The following TACC1 variants were observed in gnomAD, a reference collection of about 807,000 sequenced individuals.
The protein encoded by TACC1 is transforming acidic coiled-coil containing protein 1, also known as transforming acidic coiled-coil-containing protein 1.
A neutral mutation model predicts 84.4 loss-of-function variants in TACC1; 48 were observed. The ratio of observed to expected loss-of-function variants is 0.57; its 90% CI spans 0.45 to 0.72. The LOEUF is 0.72. TACC1 is among the 30% of genes least tolerant of loss of function. The pLI is 0.00. For missense variants in TACC1, 920 were observed against 973.0 expected (o/e 0.95, Z 0.72); for synonymous variants, 372 against 376.3 (o/e 0.99, Z 0.13).
intron 3 of TACC1, among the ~76,000 whole-genome samples, chr8:38,749,007 A>G (rs1337883017): frequency 3.9e-5 from 6 of 152,160 alleles, no homozygotes; most frequent in African/African-American, 1.2e-4. Flanking sequence ...AGCAAAAAGC[A>G]GTCCTTTGAA....
intron 2 of TACC1, among the ~76,000 whole-genome samples, chr8:38,742,739 G>A (rs762314527): frequency 3.9e-5 from 6 of 152,146 alleles, no homozygotes; most frequent in Admixed American, 6.6e-5. Flanking sequence ...TTTCGAGACA[G>A]AGTTTCACTC....
intron 3 of TACC1, among the ~76,000 whole-genome samples, chr8:38,754,081 G>A (rs1809562974): frequency 6.6e-6 from 1 of 151,558 alleles, no homozygotes; most frequent in African/African-American, 2.4e-5. Context: ...AGCTTCCCAA[G>A]TAGCTGGAAT....
At chr8:38,793,963 A>G (rs1367386618) in intron 2 of TACC1, among the ~76,000 whole-genome samples, 2 of 152,230 alleles carry the variant, frequency 1.3e-5, no homozygotes, top group Non-Finnish European at 2.9e-5. Context: ...GTAATTTGGG[A>G]AAATGGCTTT....
chr8:38,820,163 G>A lies in TACC1; in HGVS notation c.919G>A (p.Val307Ile), dbSNP rs1364414075. The change falls in exon 3 of 13, where the codon GTT becomes ATT. Residue 307 changes from valine (V) to isoleucine (I), a missense_variant. Val to Ile is a conservative substitution (Grantham distance 29, BLOSUM62 3). Coordinates refer to ENST00000317827, the MANE Select transcript of TACC1 (RefSeq NM_006283.3). ...TLSSDTNDSG[V>I]ELGEESRSSP... The stretch of plus-strand genomic sequence containing the variant: ...CAGTAGTGACACCAACGACTCAGGG[G>A]TTGAGCTGGGGGAGGAGTCGAGGAG... 1 of 1,614,190 alleles carries A rather than the reference G, an allele frequency of 6.2e-7. No individual in the cohort carries two copies. Among genetic ancestry groups the A allele is most frequent in the Non-Finnish European group, 8.5e-7 (1 of 1,180,036 alleles).
At chr8:38,735,500 G>A (rs1394544745) in intron 1 of TACC1, among the ~76,000 whole-genome samples, 1 of 152,182 alleles carries the variant, frequency 6.6e-6, no homozygotes, top group African/African-American at 2.4e-5. Flanking sequence ...TTTAGAGGGA[G>A]GGGAGTGTGT....
At chr8:38,753,911 T>TTCTC (rs1809499476) in intron 3 of TACC1, among the ~76,000 whole-genome samples, 1 of 139,400 alleles carries the variant, frequency 7.2e-6, no homozygotes, top group East Asian at 2.0e-4. Flanking sequence ...TTCTTTTTCT[T>TTCTC]TCTTTCTTTC....
intron 2 of TACC1, among the ~76,000 whole-genome samples, chr8:38,806,925 G>A: frequency 6.6e-6 from 1 of 152,328 alleles, no homozygotes; most frequent in Non-Finnish European, 1.5e-5. Context: ...ATCTGCACTT[G>A]TGTCTGACTT....
In TACC1 at chr8:38,820,360, A is replaced by G. The variant is rs143655569; in HGVS notation, c.1116A>G (p.Ala372=). Residue 372 remains alanine (A), a synonymous_variant, in exon 3 of 13, where the codon GCA becomes GCG. Transcript: ENST00000317827. Reference sequence around the variant, plus strand: ...TAGAACAGCCTACAGACCCAGTGGCACGAGACGGGCCTCTCTCCCAAACAT... The same window carrying G: ...TAGAACAGCCTACAGACCCAGTGGCGCGAGACGGGCCTCTCTCCCAAACAT... ...AGLEQPTDPV[A]RDGPLSQTSS... 3.8e-5 allele frequency: 61 copies of G among 1,614,200 alleles called. No homozygotes were observed. In the African/African-American group the frequency reaches 5.6e-4, roughly 15 times the overall value.
intron 2 of TACC1, among the ~76,000 whole-genome samples, chr8:38,808,794 T>C (rs1424730640): frequency 6.6e-6 from 1 of 152,202 alleles, no homozygotes; most frequent in Non-Finnish European, 1.5e-5. Context: ...GCAAATAGAA[T>C]CTTACCCAAA....
intron 1 of TACC1, among the ~76,000 whole-genome samples, chr8:38,737,853 A>G (rs532546743): frequency 6.6e-5 from 10 of 151,612 alleles, no homozygotes; most frequent in Non-Finnish European, 1.0e-4. Flanking sequence ...TCAGCCTCCA[A>G]AGTAGCTGGG....
intron 3 of TACC1, among the ~76,000 whole-genome samples, chr8:38,767,034 G>A (rs902377756): frequency 6.0e-5 from 9 of 150,942 alleles, no homozygotes; most frequent in Non-Finnish European, 1.0e-4. Flanking sequence ...ATCCTGTATT[G>A]CATTTACACA....
chr8:38,757,039 C>T (rs1262849823), intron 3 of TACC1, among the ~76,000 whole-genome samples: 2 of 152,210 alleles, frequency 1.3e-5, no homozygotes, highest in African/African-American at 2.4e-5. Context: ...AGTTTCCTTG[C>T]CGGGCGAGGA....
chr8:38,753,171 C>G (rs1030295875), intron 3 of TACC1, among the ~76,000 whole-genome samples: 13 of 152,088 alleles, frequency 8.5e-5, no homozygotes, highest in African/African-American at 3.1e-4. Context: ...GTGATCACAG[C>G]TCATTGCAGC....
At chr8:38,798,581 C>T (rs1283756124) in intron 2 of TACC1, among the ~76,000 whole-genome samples, 1 of 149,352 alleles carries the variant, frequency 6.7e-6, no homozygotes, top group Non-Finnish European at 1.5e-5. Context: ...GGGGTTTAAA[C>T]AGGTAGTTTG....
intron 2 of TACC1, among the ~76,000 whole-genome samples, chr8:38,793,052 C>T (rs1226668234): frequency 1.3e-5 from 2 of 152,208 alleles, no homozygotes; most frequent in African/African-American, 4.8e-5. Context: ...CCTTTATCTA[C>T]AGATTGTTAC....
intron 2 of TACC1, among the ~76,000 whole-genome samples, chr8:38,810,834 A>C (rs1823919342): frequency 6.6e-6 from 1 of 152,096 alleles, no homozygotes; most frequent in African/African-American, 2.4e-5. Flanking sequence ...ATCCCAAAAC[A>C]GGCCAGGCAT....
chr8:38,830,176 A>C (rs1212244056), intron 5 of TACC1, among the ~76,000 whole-genome samples: 1 of 152,252 alleles, frequency 6.6e-6, no homozygotes, highest in Non-Finnish European at 1.5e-5. Context: ...AATAGTAGTT[A>C]GTGATTGCCA....
intron 2 of TACC1, among the ~76,000 whole-genome samples, chr8:38,794,288 AT>A (rs1819447200): frequency 6.6e-6 from 1 of 152,110 alleles, no homozygotes; most frequent in African/African-American, 2.4e-5. Flanking sequence ...TTTTTTTAAC[AT>A]TTTATTTTCT....
chr8:38,831,786 G>C (rs1829297595), intron 6 of TACC1, among the ~76,000 whole-genome samples: 1 of 150,904 alleles, frequency 6.6e-6, no homozygotes, highest in Non-Finnish European at 1.5e-5. Flanking sequence ...ATGAGCCCCT[G>C]CACCTGGCTG....
Sources: allele counts gnomAD v4.1 joint callset (sites outside exome capture counted in the v4.1 genomes callset), GRCh38; gene constraint gnomAD v4.1.1; transcripts MANE v1.5; gene names NCBI Gene and HGNC (gene_info 2026-07-23, HGNC 2026-07-21).